TUB: variants seen among roughly 807,000 people sequenced by gnomAD.
TUB encodes TUB bipartite transcription factor, also known as tubby protein homolog.
TUB carries 33 observed loss-of-function variants against 59.7 expected under a neutral mutation model. The observed-to-expected ratio is 0.55, with a 90% CI of 0.42 to 0.74. The LOEUF is 0.74. Among genes scored for constraint, TUB ranks in the 30% least tolerant of loss-of-function variants. The pLI is 0.00. For missense variants in TUB, 659 were observed against 672.0 expected, an observed-to-expected ratio of 0.98 and a Z score of 0.21; for synonymous variants, 293 against 256.4, an observed-to-expected ratio of 1.14 and a Z score of -1.36.
chr11:8,067,286 A>T (rs1943263896), intron 2 of TUB: 1 of 152,200 alleles, frequency 6.6e-6, no homozygotes, highest in Non-Finnish European at 1.5e-5. Context: ...GAGAGCACCC[A>T]CAGGGAGTCC....
Position 8,053,443 on chromosome 11 carries a change from C to G in TUB, c.203+13751C>G, listed in dbSNP as rs569567376. Among the ~76,000 whole-genome samples the G allele has an allele frequency of 5.3e-5, 8 of 152,078 alleles. No individual in the cohort carries two copies. The South Asian group carries it at 1.3e-3, about 24-fold the overall frequency. ...GCATCTCATCTTTTTTTATGTATTG[C>G]TGAGTGATTCCTCTAACTCAATAAT... On this transcript the variant is annotated intron_variant, in intron 2 of 12. Transcript: ENST00000305253.
chr11:8,082,870 A>T (rs1564914392), intron 1 of TUB, among the ~76,000 whole-genome samples: 1 of 152,096 alleles, frequency 6.6e-6, no homozygotes, highest in Non-Finnish European at 1.5e-5. Context: ...TTTCCAGGTT[A>T]TTTTGTGTCT....
At chr11:8,077,944 G>A (rs1284006761), upstream of TUB, among the ~76,000 whole-genome samples, 3 of 152,286 alleles carry the variant, frequency 2.0e-5, no homozygotes, top group Admixed American at 6.5e-5. Context: ...ACAATGCCAA[G>A]CCAACAGACA....
intron 1 of TUB, among the ~76,000 whole-genome samples, chr11:8,084,285 C>T (rs1018266981): frequency 6.6e-6 from 1 of 152,122 alleles, no homozygotes; most frequent in Admixed American, 6.5e-5. Context: ...AATTTTGGCT[C>T]AGTGTATAAT....
upstream of TUB, among the ~76,000 whole-genome samples, chr11:8,036,737 C>A (rs1053786508): frequency 1.3e-5 from 2 of 152,208 alleles, no homozygotes; most frequent in East Asian, 3.9e-4. Flanking sequence ...TTGAGAGATG[C>A]AGTTTATCCA....
chr11:8,077,446 T>C (rs529695230), upstream of TUB: 2 of 152,386 alleles, frequency 1.3e-5, no homozygotes, highest in East Asian at 3.9e-4. Context: ...TTCAAGTGCA[T>C]TGGGCATGTA....
chr11:8,021,339 G>A (rs1274654929), intron 1 of TUB, among the ~76,000 whole-genome samples: 3 of 152,100 alleles, frequency 2.0e-5, no homozygotes, highest in Non-Finnish European at 4.4e-5. Context: ...GCATGGAGGT[G>A]CACGCCTGTA....
upstream of TUB, among the ~76,000 whole-genome samples, chr11:8,037,796 T>TG (rs1312450681): frequency 1.3e-5 from 2 of 152,024 alleles, no homozygotes; most frequent in Non-Finnish European, 2.9e-5. Context: ...CCAGAGGAAG[T>TG]GGGGGTCTTC....
chr11:8,097,038 C>T (rs1564922767), intron 6 of TUB, among the ~76,000 whole-genome samples, 190 bp from the exon 7 acceptor site: 1 of 152,150 alleles, frequency 6.6e-6, no homozygotes, highest in Non-Finnish European at 1.5e-5. Flanking sequence ...CCCATCTCCA[C>T]CTCTAGGAAC....
At chr11:8,071,544 G>C (rs1350411530) in intron 2 of TUB, among the ~76,000 whole-genome samples, 2 of 152,156 alleles carry the variant, frequency 1.3e-5, no homozygotes, top group African/African-American at 2.4e-5. Context: ...TTTAGATCAA[G>C]TGAGAACATG....
chr11:8,021,270 G>T (rs1168261461), intron 1 of TUB, among the ~76,000 whole-genome samples: 1 of 152,112 alleles, frequency 6.6e-6, no homozygotes, highest in South Asian at 2.1e-4. Context: ...GACCAGCCTG[G>T]CCAACATGGT....
chr11:8,022,815 G>A (rs567672767), intron 1 of TUB, among the ~76,000 whole-genome samples: 166 of 152,210 alleles, frequency 1.1e-3, no homozygotes, highest in African/African-American at 3.9e-3. Context: ...GCTTGAACCC[G>A]GGAGACGGAG....
intron 1 of TUB, among the ~76,000 whole-genome samples, chr11:8,021,833 G>T (rs535784390): frequency 6.6e-6 from 1 of 150,804 alleles, no homozygotes; most frequent in Non-Finnish European, 1.5e-5. Flanking sequence ...GGAGAATGGC[G>T]TGAACCCGGC....
intron 11 of TUB, 124 bp downstream of exon 11, chr11:8,101,121 G>C: frequency 8.4e-7 from 1 of 1,190,224 alleles, no homozygotes; most frequent in Non-Finnish European, 1.2e-6. Context: ...TACAGCTAAG[G>C]TTAGATGTAT....
rs772520757 is a variant in TUB, at chr11:8,090,196, C to G, written c.218C>G (p.Ser73Cys). Residue 73 changes from serine (S) to cysteine (C), a missense_variant, in exon 3 of 12, where the codon TCC becomes TGC. Around this residue, in one of 3 missense-constraint regions of TUB, gnomAD observed 321 missense variants for 304.3 expected, o/e 1.05. Coordinates refer to ENST00000299506, the MANE Select transcript of TUB (RefSeq NM_177972.3). ...GAGGAACAAGCCCCCCTGGTGGAGTCCTACCTCAGCAGCAGTGGCAGCACC... is the reference window on the plus strand; with the variant it reads ...GAGGAACAAGCCCCCCTGGTGGAGTGCTACCTCAGCAGCAGTGGCAGCACC... ...QSEEQAPLVE[S>C]YLSSSGSTSY... is the part of the protein sequence containing the mutation. The G allele has an allele frequency of 1.4e-5, 22 of 1,613,778 alleles. No homozygotes were observed. The highest frequency in any genetic ancestry group is 1.9e-5 in the Non-Finnish European group (22 of 1,179,960).
At chr11:8,033,697 T>C (rs144858619), upstream of TUB, among the ~76,000 whole-genome samples, 9 of 152,364 alleles carry the variant, frequency 5.9e-5, no homozygotes, top group East Asian at 1.7e-3. Flanking sequence ...GCAGAGGTGT[T>C]TGGTGGGGTG....
chr11:8,098,783 A>C lies in TUB; in HGVS notation c.1024A>C (p.Thr342Pro), dbSNP rs1165892093. The C allele has an allele frequency of 6.2e-7, 1 of 1,614,000 alleles. No homozygotes were observed. The highest frequency in any genetic ancestry group is 1.3e-5 in the African/African-American group (1 of 75,020). ...GTCCAACTTGATGGGCACCAAGTTC[A>C]CTGTTTATGACAATGGAGTCAACCC... ...LRSNLMGTKF[T>P]VYDNGVNPQK... is the part of the protein sequence containing the mutation. The change falls in exon 9 of 12, where the codon ACT (threonine) becomes CCT (proline). Residue 342 changes from threonine to proline, a missense_variant. Coordinates refer to ENST00000299506, the MANE Select transcript of TUB (RefSeq NM_177972.3).
At chr11:8,031,591 G>C (rs1053917778) in intron 1 of TUB, among the ~76,000 whole-genome samples, 1 of 152,214 alleles carries the variant, frequency 6.6e-6, no homozygotes, top group African/African-American at 2.4e-5. Flanking sequence ...GAGGTGAGGG[G>C]CTGTGGGGCA....
intron 1 of TUB, among the ~76,000 whole-genome samples, chr11:8,021,118 A>G (rs1007361415): frequency 1.3e-5 from 2 of 152,214 alleles, no homozygotes; most frequent in East Asian, 3.9e-4. Context: ...AACTTTGGAC[A>G]AATTACTTCT....
Sources: allele counts gnomAD v4.1 joint callset (sites outside exome capture counted in the v4.1 genomes callset), GRCh38; gene constraint gnomAD v4.1.1; regional missense constraint gnomAD v4.1.1; transcripts MANE v1.5; gene names NCBI Gene and HGNC (gene_info 2026-07-23, HGNC 2026-07-21).